Variants in NOS1AP observed in about 807,000 individuals in gnomAD.
NOS1AP encodes nitric oxide synthase 1 adaptor protein, also known as carboxyl-terminal PDZ ligand of neuronal nitric oxide synthase protein.
In NOS1AP, 21 loss-of-function variants were observed where a neutral mutation model predicts 56.2. The observed-to-expected ratio is 0.37, with a 90% CI of 0.26 to 0.54. The LOEUF (loss-of-function observed/expected upper bound fraction) is 0.54. NOS1AP is among the 20% of genes least tolerant of loss of function. The pLI is 0.84. For missense variants in NOS1AP, 522 were observed against 657.8 expected (o/e 0.79, Z 2.26); for synonymous variants, 270 against 274.6 (o/e 0.98, Z 0.17).
intron 2 of NOS1AP, among the ~76,000 whole-genome samples, chr1:162,189,768 C>G (rs1397554023): frequency 6.6e-6 from 1 of 152,120 alleles, no homozygotes; most frequent in African/African-American, 2.4e-5. Context: ...GAGAGTGATT[C>G]TGGGGAAGGC....
intron 2 of NOS1AP, among the ~76,000 whole-genome samples, chr1:162,176,126 A>G (rs1651045684): frequency 6.6e-6 from 1 of 152,120 alleles, no homozygotes; most frequent in South Asian, 2.1e-4. Context: ...TGGGGGTCAC[A>G]TTTTACATTC....
chr1:162,128,593 G>T (rs1648599015), intron 1 of NOS1AP, among the ~76,000 whole-genome samples: 1 of 152,004 alleles, frequency 6.6e-6, no homozygotes, highest in Non-Finnish European at 1.5e-5. Context: ...AAAAAAATTT[G>T]TATTCCAAAC....
At chr1:162,151,530 T>G (rs1341270708) in intron 1 of NOS1AP, among the ~76,000 whole-genome samples, 5 of 152,218 alleles carry the variant, frequency 3.3e-5, no homozygotes, top group Admixed American at 6.5e-5. Flanking sequence ...ATTTTAGGAT[T>G]GTTTTTTCTA....
intron 1 of NOS1AP, among the ~76,000 whole-genome samples, chr1:162,076,222 T>A (rs1691764852): frequency 6.6e-6 from 1 of 152,216 alleles, no homozygotes; most frequent in Admixed American, 6.5e-5. Flanking sequence ...GCCCTTGTCC[T>A]GCTGTCTACC....
chr1:162,218,108 G>A (rs1001258573), intron 2 of NOS1AP, among the ~76,000 whole-genome samples: 3 of 152,106 alleles, frequency 2.0e-5, no homozygotes, highest in East Asian at 1.9e-4. Context: ...CTTCCTGGAG[G>A]CCCCACCTCT....
At chr1:162,102,179 A>C (rs1174739386) in intron 1 of NOS1AP, among the ~76,000 whole-genome samples, 1 of 151,928 alleles carries the variant, frequency 6.6e-6, no homozygotes, top group East Asian at 1.9e-4. Context: ...ATCCAAGGTC[A>C]TTTCTTCTGC....
intron 2 of NOS1AP, among the ~76,000 whole-genome samples, chr1:162,229,603 A>G (rs1279028550): frequency 6.6e-6 from 1 of 151,916 alleles, no homozygotes; most frequent in East Asian, 1.9e-4. Context: ...TCTTTTTCAA[A>G]TTCTCAACCA....
chr1:162,353,368 C>T (rs977259652), intron 6 of NOS1AP, among the ~76,000 whole-genome samples: 7 of 152,186 alleles, frequency 4.6e-5, no homozygotes, highest in Non-Finnish European at 7.3e-5. Flanking sequence ...CCCCTGCCCC[C>T]GCGCCCGGCC....
chr1:162,326,158 G>T (rs1319241959), intron 4 of NOS1AP, among the ~76,000 whole-genome samples: 1 of 152,230 alleles, frequency 6.6e-6, no homozygotes, highest in Non-Finnish European at 1.5e-5. Context: ...CCCCTTGGTA[G>T]TCTACATCCT....
At chr1:162,302,089 A>G (rs1360099066) in intron 4 of NOS1AP, among the ~76,000 whole-genome samples, 1 of 152,202 alleles carries the variant, frequency 6.6e-6, no homozygotes, top group Non-Finnish European at 1.5e-5. Flanking sequence ...GACAGAATGA[A>G]TTTCTGCCTC....
rs1008896593 is a variant in NOS1AP, at chr1:162,273,242, C to T, written c.178-14102C>T. Among the ~76,000 whole-genome samples, 8 of 147,228 alleles carry T rather than the reference C, an allele frequency of 5.4e-5. No homozygotes were observed. The East Asian group carries it at 1.2e-3, about 22-fold the overall frequency. On this transcript the variant is annotated intron_variant, in intron 2 of 9. Coordinates refer to ENST00000361897, the MANE Select transcript of NOS1AP (RefSeq NM_014697.3). ...GCAGTGGCGCGATCTCGGCTCACTG[C>T]AAGCTCCGCCTCCCGGGTTCACGCC...
intron 2 of NOS1AP, among the ~76,000 whole-genome samples, chr1:162,157,416 T>G (rs1450890732): frequency 6.6e-6 from 1 of 152,226 alleles, no homozygotes; most frequent in African/African-American, 2.4e-5. Context: ...TCTTTTCTTC[T>G]TTCCCTTTTA....
At chr1:162,199,595 CGTGTGTGTGTGTGTGTGT>C (rs58625856) in intron 2 of NOS1AP, among the ~76,000 whole-genome samples, 4 of 131,590 alleles carry the variant, frequency 3.0e-5, no homozygotes, top group South Asian at 2.7e-4. Context: ...GCATGGATTG[CGTGTGTGTGTGTGTGTGT>C]GTGTGTGTGT....
intron 1 of NOS1AP, among the ~76,000 whole-genome samples, chr1:162,106,530 C>T (rs1031648194): frequency 6.6e-6 from 1 of 152,044 alleles, no homozygotes; most frequent in Non-Finnish European, 1.5e-5. Flanking sequence ...TGTTTCTCAT[C>T]TTCTCTATTC....
At chr1:162,104,517 C>CT (rs1475102989) in intron 1 of NOS1AP, among the ~76,000 whole-genome samples, 2 of 151,462 alleles carry the variant, frequency 1.3e-5, no homozygotes, top group African/African-American at 2.4e-5. Context: ...AGCTTGGTTC[C>CT]TTTTTTTCCC....
intron 1 of NOS1AP, among the ~76,000 whole-genome samples, chr1:162,145,075 C>T (rs1434092976): frequency 6.6e-6 from 1 of 152,238 alleles, no homozygotes; most frequent in Non-Finnish European, 1.5e-5. Flanking sequence ...CCCTGCTGAG[C>T]TACTGATCAA....
chr1:162,105,805 C>A (rs539469287), intron 1 of NOS1AP, among the ~76,000 whole-genome samples: 2 of 152,346 alleles, frequency 1.3e-5, no homozygotes, highest in East Asian at 3.9e-4. Context: ...GGCTGGTCCT[C>A]CCCTCTGGGA....
At chr1:162,322,349 A>G (rs1002535875) in intron 4 of NOS1AP, among the ~76,000 whole-genome samples, 2 of 152,220 alleles carry the variant, frequency 1.3e-5, no homozygotes, top group African/African-American at 4.8e-5. Context: ...AAATAAAAAT[A>G]TTAGAAAAGA....
At chr1:162,360,981 G>A (rs1329197469) in intron 8 of NOS1AP, 3 of 454,326 alleles carry the variant, frequency 6.6e-6, no homozygotes, top group Non-Finnish European at 1.3e-5. Flanking sequence ...GTGGGTTGAG[G>A]GTGGGTTTCA....
Sources: gnomAD v4.1 joint callset for allele counts (sites outside exome capture counted in the v4.1 genomes callset) on GRCh38, gnomAD v4.1.1 for gene constraint, MANE v1.5 for transcripts, NCBI Gene and HGNC (gene_info 2026-07-23, HGNC 2026-07-21) for gene names.